Variants in PCDH7 observed in about 807,000 individuals in gnomAD.
PCDH7 encodes protocadherin 7.
In PCDH7, 17 loss-of-function variants were observed where a neutral mutation model predicts 58.9. That is an observed-to-expected ratio of 0.29 (90% CI 0.20 to 0.43). The LOEUF (loss-of-function observed/expected upper bound fraction) is 0.43. PCDH7 is among the 20% of genes least tolerant of loss of function. PCDH7 has a pLI of 1.00. For missense variants in PCDH7, 1,274 were observed against 1,441.0 expected, an observed-to-expected ratio of 0.88 and a Z score of 1.88; for synonymous variants, 664 against 616.4, an observed-to-expected ratio of 1.08 and a Z score of -1.14.
At chr4:30,889,805 A>T (rs1738374885) in intron 1 of PCDH7, among the ~76,000 whole-genome samples, 1 of 152,178 alleles carries the variant, frequency 6.6e-6, no homozygotes, top group Admixed American at 6.5e-5. Context: ...TCCATCTCTT[A>T]ATACCATCAC....
At chr4:30,759,849 T>G (rs990559415) in intron 1 of PCDH7, among the ~76,000 whole-genome samples, 4 of 152,172 alleles carry the variant, frequency 2.6e-5, no homozygotes, top group Admixed American at 6.5e-5. Context: ...TAAGATTAGA[T>G]ACATCTTACA....
chr4:30,939,890 A>G (rs191937485), intron 2 of PCDH7, among the ~76,000 whole-genome samples: 322 of 152,238 alleles, frequency 2.1e-3, no homozygotes, highest in African/African-American at 7.1e-3. Context: ...CCCACAGAGG[A>G]TAGCATTCCA....
intron 3 of PCDH7, among the ~76,000 whole-genome samples, chr4:31,002,252 A>G (rs1752415933): frequency 6.6e-6 from 1 of 152,204 alleles, no homozygotes; most frequent in Non-Finnish European, 1.5e-5. Flanking sequence ...AGCCTTTCAA[A>G]GGGATAAAAT....
In PCDH7 at chr4:30,741,433, A is replaced by G. The variant is rs117032170; in HGVS notation, c.70+16837A>G. The stretch of plus-strand genomic sequence containing the variant: ...GGTCTGGAACTCCTGATGTTAAGCC[A>G]TCTGCCCGCCTTGGCCTCCCATAGT... On this transcript the variant is annotated intron_variant, in intron 1 of 3. Coordinates refer to the PCDH7 transcript ENST00000509759. Among the ~76,000 whole-genome samples, 14 of 152,134 alleles carry G rather than the reference A, an allele frequency of 9.2e-5. 1 individual carries two copies. In the East Asian group the frequency reaches 2.3e-3, roughly 25 times the overall value.
intron 3 of PCDH7, among the ~76,000 whole-genome samples, chr4:31,007,946 A>T (rs1238112235): frequency 6.6e-6 from 1 of 152,144 alleles, no homozygotes; most frequent in Admixed American, 6.6e-5. Flanking sequence ...TTGTAAAATA[A>T]ACCTTCCTGT....
intron 2 of PCDH7, among the ~76,000 whole-genome samples, chr4:30,933,033 CT>C (rs35077010): frequency 0.6 from 87,601 of 147,086 alleles, 26,001 homozygotes; most frequent in East Asian, 0.77. Context: ...TTCTTTCTTT[CT>C]TTTTTTTTTT....
chr4:30,933,747 C>CA (rs1199129342), intron 2 of PCDH7, among the ~76,000 whole-genome samples: 1 of 152,134 alleles, frequency 6.6e-6, no homozygotes, highest in Non-Finnish European at 1.5e-5. Flanking sequence ...ATCTGACACT[C>CA]ACAACTGTGT....
chr4:30,853,557 G>T (rs535536494), intron 1 of PCDH7, among the ~76,000 whole-genome samples: 1 of 152,126 alleles, frequency 6.6e-6, no homozygotes, highest in Non-Finnish European at 1.5e-5. Context: ...ATTCATTCAA[G>T]TTTTATATAT....
chr4:31,019,032 T>C (rs1419770534), intron 3 of PCDH7, among the ~76,000 whole-genome samples: 1 of 152,296 alleles, frequency 6.6e-6, no homozygotes, highest in East Asian at 1.9e-4. Flanking sequence ...AATGGAGTAG[T>C]TCAGAAATAT....
At chr4:31,028,794 A>G (rs1324507124) in intron 3 of PCDH7, among the ~76,000 whole-genome samples, 1 of 152,366 alleles carries the variant, frequency 6.6e-6, no homozygotes. Context: ...AAACATGCTA[A>G]TCTTCCAAAA....
chr4:30,724,595 A>G, exon 1 of PCDH7: 1 of 1,613,916 alleles, frequency 6.2e-7, no homozygotes, highest in Non-Finnish European at 8.5e-7. Flanking sequence ...TACAGCAAAC[A>G]GGTAAGATGT....
intron 1 of PCDH7, among the ~76,000 whole-genome samples, chr4:30,771,183 T>G (rs1221271611): frequency 6.6e-6 from 1 of 152,208 alleles, no homozygotes; most frequent in Non-Finnish European, 1.5e-5. Flanking sequence ...TTTTAATTTG[T>G]GTTTCTTATT....
At chr4:30,993,436 G>A (rs1751621879) in intron 3 of PCDH7, among the ~76,000 whole-genome samples, 1 of 152,192 alleles carries the variant, frequency 6.6e-6, no homozygotes, top group East Asian at 1.9e-4. Context: ...TAAACAGAAG[G>A]AGCTTTCAAA....
chr4:30,916,481 C>A (rs1742487855), intron 1 of PCDH7, among the ~76,000 whole-genome samples: 1 of 152,168 alleles, frequency 6.6e-6, no homozygotes, highest in Non-Finnish European at 1.5e-5. Context: ...AGTACTTATT[C>A]AAGTCTGTAG....
chr4:30,796,061 G>A (rs977489615), intron 1 of PCDH7, among the ~76,000 whole-genome samples: 8 of 152,014 alleles, frequency 5.3e-5, no homozygotes, highest in African/African-American at 1.9e-4. Context: ...ATTGATAAAA[G>A]GTGTCAGGCT....
intron 3 of PCDH7, among the ~76,000 whole-genome samples, chr4:31,112,552 G>A (rs1334903865): frequency 6.6e-6 from 1 of 152,048 alleles, no homozygotes; most frequent in Non-Finnish European, 1.5e-5. Flanking sequence ...TGTTCAGTTG[G>A]CGTAACATGC....
chr4:30,795,350 A>T lies in PCDH7; in HGVS notation c.70+70754A>T, dbSNP rs142632296. On this transcript the variant is annotated intron_variant, in intron 1 of 3. Coordinates refer to the PCDH7 transcript ENST00000509759. The stretch of plus-strand genomic sequence containing the variant: ...TATTTGGAAATGTGGGTAAGTGAAC[A>T]TTTTACGTATGACATACACAATATA... Among the ~76,000 whole-genome samples the T allele has an allele frequency of 6.9e-3, 1,053 of 152,270 alleles. 11 individuals are homozygous for T. Among genetic ancestry groups the T allele is most frequent in the African/African-American group, 0.023 (966 of 41,540 alleles).
chr4:30,896,843 G>A (rs1271657200), intron 1 of PCDH7, among the ~76,000 whole-genome samples: 1 of 140,912 alleles, frequency 7.1e-6, no homozygotes, highest in Non-Finnish European at 1.5e-5. Flanking sequence ...TTTTGAATTG[G>A]TAGCTAAACC....
intron 3 of PCDH7, among the ~76,000 whole-genome samples, chr4:31,087,989 G>A (rs1712692754): frequency 6.6e-6 from 1 of 151,872 alleles, no homozygotes; most frequent in African/African-American, 2.4e-5. Context: ...ATGCAGTTAG[G>A]ATCTCTAATT....
Sources: allele counts gnomAD v4.1 joint callset (sites outside exome capture counted in the v4.1 genomes callset), GRCh38; gene constraint gnomAD v4.1.1; transcripts MANE v1.5; gene names NCBI Gene and HGNC (gene_info 2026-07-23, HGNC 2026-07-21).